Variants in URI1 observed in about 807,000 individuals in gnomAD.
The protein encoded by URI1 is unconventional prefoldin RPB5 interactor 1.
Under a neutral mutation model 60.2 loss-of-function variants are expected in URI1, and 39 were observed. That is an observed-to-expected ratio of 0.65 (90% confidence interval 0.50 to 0.85). URI1 has a LOEUF of 0.85. URI1 is among the 40% of genes least tolerant of loss of function. The probability of loss-of-function intolerance (pLI) is 0.00; values close to 1 mark genes in which losing one functional copy is unlikely to be tolerated. For synonymous variants in URI1, 251 were observed against 236.8 expected (o/e 1.06, Z -0.55); for missense variants, 691 against 665.9 (o/e 1.04, Z -0.42).
chr19:29,986,642 A>G (rs1199377468), intron 4 of URI1, among the ~76,000 whole-genome samples: 1 of 152,196 alleles, frequency 6.6e-6, no homozygotes, highest in Non-Finnish European at 1.5e-5. Context: ...GCATGTTTTC[A>G]GAAGTTACAA....
At chr19:29,982,122 A>G (rs551014711) in intron 2 of URI1, among the ~76,000 whole-genome samples, 2 of 152,302 alleles carry the variant, frequency 1.3e-5, no homozygotes, top group East Asian at 3.9e-4. Flanking sequence ...TTCCAGAGAC[A>G]TTGCTTGACT....
intron 2 of URI1, among the ~76,000 whole-genome samples, chr19:29,978,706 C>A (rs1468729808): frequency 6.6e-6 from 1 of 152,112 alleles, no homozygotes. Flanking sequence ...AGTGTAAGAC[C>A]TGAGAGAAAT....
At chr19:29,934,510 T>C (rs1384602406) in intron 1 of URI1, among the ~76,000 whole-genome samples, 2 of 152,186 alleles carry the variant, frequency 1.3e-5, no homozygotes, top group African/African-American at 4.8e-5. Context: ...GTTTTTCTTA[T>C]GTGTACACAC....
At chr19:29,989,566 G>C (rs888667894) in intron 4 of URI1, among the ~76,000 whole-genome samples, 3 of 150,758 alleles carry the variant, frequency 2.0e-5, no homozygotes, top group African/African-American at 7.3e-5. Context: ...GAGATTACAG[G>C]TGCGTACCAC....
At chr19:29,940,797 G>C (rs984157729), upstream of URI1, among the ~76,000 whole-genome samples, 1 of 152,268 alleles carries the variant, frequency 6.6e-6, no homozygotes, top group East Asian at 1.9e-4. Flanking sequence ...ATGTGGTCGC[G>C]GGTTAAGCCC....
Position 29,942,380 on chromosome 19 carries a change from G to A in URI1, c.-168G>A. Reference sequence around the variant, plus strand: ...ACATGCACGTGTGAGATGCGGCAGCGGGCGGCGCGGACGCGAACAGCAGCG... The same window carrying A: ...ACATGCACGTGTGAGATGCGGCAGCAGGCGGCGCGGACGCGAACAGCAGCG... On this transcript the variant is annotated 5_prime_UTR_variant, in exon 1 of 11. Coordinates refer to ENST00000392271, the MANE Select transcript of URI1 (RefSeq NM_003796.3). 1.0e-6 allele frequency: 1 copy of A among 984,008 alleles called. No homozygotes were observed. Among genetic ancestry groups the A allele is most frequent in the South Asian group, 4.5e-5 (1 of 22,124 alleles). 61.0% of individuals were successfully genotyped at this position (984,008 alleles called of 1,614,324 possible). A position where few individuals can be genotyped will look rare whatever the true frequency, so the allele number is the denominator to read the frequency against.
intron 4 of URI1, among the ~76,000 whole-genome samples, chr19:29,990,150 TC>T (rs1234186874): frequency 1.3e-5 from 2 of 152,206 alleles, no homozygotes; most frequent in Non-Finnish European, 2.9e-5. Context: ...CTGTTCTGTC[TC>T]CATTGAAATG....
At chr19:29,976,059 G>C (rs1045019345) in intron 2 of URI1, among the ~76,000 whole-genome samples, 2 of 152,028 alleles carry the variant, frequency 1.3e-5, no homozygotes, top group African/African-American at 4.8e-5. Context: ...ACATTTTGCT[G>C]TATGTCAGAC....
intron 2 of URI1, among the ~76,000 whole-genome samples, chr19:29,974,881 C>T (rs1423925736): frequency 1.3e-5 from 2 of 152,262 alleles, no homozygotes; most frequent in East Asian, 3.9e-4. Context: ...AGGATAGTGG[C>T]CTCCTGCTGC....
At chr19:29,932,221 T>C (rs1208661686) in intron 1 of URI1, among the ~76,000 whole-genome samples, 2 of 152,140 alleles carry the variant, frequency 1.3e-5, no homozygotes, top group African/African-American at 4.8e-5. Flanking sequence ...AAGAGGTTCG[T>C]TTCTATTCCT....
chr19:30,007,583 T>A lies in URI1; in HGVS notation c.631T>A (p.Trp211Arg). 5 of 1,613,204 alleles carry A rather than the reference T, an allele frequency of 3.1e-6. No homozygotes were observed. The highest frequency in any genetic ancestry group is 3.4e-6 in the Non-Finnish European group (4 of 1,179,474). Residue 211 changes from tryptophan to arginine, a missense_variant, in exon 7 of 11, where the codon TGG becomes AGG. Trp to Arg is a moderately radical substitution (Grantham distance 101). Transcript: ENST00000392271. The stretch of plus-strand genomic sequence containing the variant: ...GGATTTGCTAGCTGATAAAGAACTG[T>A]GGGCTCGACTTGAAGAACTAGAGAG... ...SKDLLADKEL[W>R]ARLEELERQE...
At chr19:29,972,715 G>A (rs2055474783) in intron 2 of URI1, among the ~76,000 whole-genome samples, 2 of 152,008 alleles carry the variant, frequency 1.3e-5, no homozygotes, top group Non-Finnish European at 2.9e-5. Flanking sequence ...CAAATATGTG[G>A]TTATTTTCTA....
At chr19:29,991,495 T>TG (rs2055746172) in intron 4 of URI1, among the ~76,000 whole-genome samples, 1 of 152,220 alleles carries the variant, frequency 6.6e-6, no homozygotes, top group Non-Finnish European at 1.5e-5. Context: ...TGAACTTTTT[T>TG]GGGGTAGATT....
At chr19:29,966,284 A>G (rs2055390353) in intron 1 of URI1, among the ~76,000 whole-genome samples, 1 of 152,046 alleles carries the variant, frequency 6.6e-6, no homozygotes, top group South Asian at 2.1e-4. Context: ...AATTACAGGC[A>G]TGCACCACCA....
chr19:29,973,211 G>GTAT (rs2055480363), intron 2 of URI1, among the ~76,000 whole-genome samples: 1 of 152,132 alleles, frequency 6.6e-6, no homozygotes, highest in African/African-American at 2.4e-5. Context: ...CCATATGCCA[G>GTAT]TATTGTGCTG....
intron 2 of URI1, 100 bp from the exon 3 acceptor site, chr19:29,985,123 A>C (rs571727228): frequency 0.014 from 29 of 2,062 alleles, no homozygotes; most frequent in Non-Finnish European, 0.032. Context: ...CTGTCTCAAA[A>C]AAAAAAAAAA....
At chr19:29,978,596 G>GAGAA (rs569768929) in intron 2 of URI1, among the ~76,000 whole-genome samples, 102 of 152,248 alleles carry the variant, frequency 6.7e-4, no homozygotes, top group South Asian at 2.5e-3. Context: ...GTGCTTGTCT[G>GAGAA]AGAAGTGCAT....
chr19:29,953,116 A>C (rs925458144), intron 1 of URI1, among the ~76,000 whole-genome samples: 7 of 152,238 alleles, frequency 4.6e-5, no homozygotes, highest in African/African-American at 1.7e-4. Context: ...CTGAAGGCTC[A>C]TAATCTGAGA....
intron 4 of URI1, chr19:30,004,231 A>G: frequency 6.6e-6 from 1 of 152,010 alleles, no homozygotes; most frequent in Non-Finnish European, 1.5e-5. Flanking sequence ...TTGTTAATGC[A>G]GTCTTTTTTT....
Sources: gnomAD v4.1 joint callset for allele counts (sites outside exome capture counted in the v4.1 genomes callset) on GRCh38, gnomAD v4.1.1 for gene constraint, MANE v1.5 for transcripts, NCBI Gene and HGNC (gene_info 2026-07-23, HGNC 2026-07-21) for gene names.